MYBPC1: variants seen among roughly 807,000 people sequenced by gnomAD.
The protein encoded by MYBPC1 is myosin-binding protein C, slow-type.
MYBPC1 carries 52 observed loss-of-function variants against 147.1 expected under a neutral mutation model. The ratio of observed to expected loss-of-function variants is 0.35; its 90% CI spans 0.28 to 0.45. The LOEUF (loss-of-function observed/expected upper bound fraction) is 0.45, where lower values mean the gene tolerates loss of function less well. Among genes scored for constraint, MYBPC1 ranks in the 20% least tolerant of loss-of-function variants. The probability of loss-of-function intolerance (pLI) is 1.00; values close to 1 mark genes in which losing one functional copy is unlikely to be tolerated. For synonymous variants in MYBPC1, 477 were observed against 475.9 expected (o/e 1.00, Z -0.03); for missense variants, 1,228 against 1,440.3 (o/e 0.85, Z 2.39).
chr12:101,634,610 C>A lies in MYBPC1; in HGVS notation c.608+5C>A. 2 of 1,609,276 alleles carry A rather than the reference C, an allele frequency of 1.2e-6. No homozygotes were observed. The highest frequency in any genetic ancestry group is 1.7e-6 in the Non-Finnish European group (2 of 1,175,766). On this transcript the variant is annotated splice_donor_5th_base_variant and intron_variant, in intron 9 of 31. Transcript: ENST00000361466. ...CAGATCTGCTTTCAAGAGAAGGTAA[C>A]TCCAAAAGAAAAATCTAGATAGCTT... is the stretch of plus-strand genomic sequence containing the variant.
At chr12:101,675,456 A>T in intron 26 of MYBPC1, 25 bp downstream of exon 26, 1 of 1,613,950 alleles carries the variant, frequency 6.2e-7, no homozygotes, top group African/African-American at 1.3e-5. Context: ...TCTCTGGTTC[A>T]TCAGTAGCAA....
At chr12:101,668,452 G>T (rs919778536) in intron 23 of MYBPC1, among the ~76,000 whole-genome samples, 1 of 152,050 alleles carries the variant, frequency 6.6e-6, no homozygotes, top group Non-Finnish European at 1.5e-5. Flanking sequence ...GGCCAGTTTT[G>T]CCTTAGAGTC....
the MYBPC1 span, among the ~76,000 whole-genome samples, chr12:101,695,377 C>T: frequency 7.9e-5 from 12 of 152,168 alleles, no homozygotes; most frequent in African/African-American, 2.7e-4. Context: ...AAGAGTGGGA[C>T]TGGGTGAGAT....
At chr12:101,645,040 T>A (rs1365960703) in intron 12 of MYBPC1, among the ~76,000 whole-genome samples, 3 of 152,226 alleles carry the variant, frequency 2.0e-5, no homozygotes, top group Admixed American at 6.5e-5. Flanking sequence ...TATGGTTTTG[T>A]GTCGCTATAG....
At chr12:101,639,377 G>A (rs1891588776) in intron 10 of MYBPC1, among the ~76,000 whole-genome samples, 1 of 152,204 alleles carries the variant, frequency 6.6e-6, no homozygotes, top group Admixed American at 6.5e-5. Context: ...ACAGGGTCAT[G>A]TGCAGCCACC....
intron 2 of MYBPC1, 55 bp downstream of exon 2, chr12:101,614,586 C>T (rs1156757072): frequency 6.3e-7 from 1 of 1,591,692 alleles, no homozygotes; most frequent in African/African-American, 1.3e-5. Flanking sequence ...GAGGGTCCAT[C>T]CCAGCATGAT....
At chr12:101,604,924 T>G (rs1284458992) in intron 1 of MYBPC1, among the ~76,000 whole-genome samples, 1 of 152,214 alleles carries the variant, frequency 6.6e-6, no homozygotes, top group Non-Finnish European at 1.5e-5. Context: ...AAGAAGGCAC[T>G]GACTTTCTGG....
At chr12:101,612,237 G>A (rs1884578409) in intron 1 of MYBPC1, among the ~76,000 whole-genome samples, 2 of 152,092 alleles carry the variant, frequency 1.3e-5, no homozygotes, top group Admixed American at 6.5e-5. Flanking sequence ...CATAGAATTG[G>A]CACCCTAAGA....
intron 18 of MYBPC1, among the ~76,000 whole-genome samples, chr12:101,656,223 A>G (rs1895514784): frequency 6.6e-6 from 1 of 152,158 alleles, no homozygotes; most frequent in Non-Finnish European, 1.5e-5. Context: ...GAGAAAATGA[A>G]ATCACATAGA....
chr12:101,659,718 A>G lies in MYBPC1; in HGVS notation c.1814A>G (p.Asp605Gly), dbSNP rs778513541. The change falls in exon 19 of 32, where the codon GAT becomes GGT. Residue 605 changes from aspartate (D) to glycine (G), a missense_variant. Physicochemically the swap from Asp to Gly is moderately conservative, Grantham distance 94 (BLOSUM62 -1). Transcript: ENST00000361466. ...SGRIRTESYP[D>G]SSTLVIDIAE... ...CGGATAAGAACAGAATCTTACCCTG[A>G]TAGCAGCACTCTGGTCATTGATATA... The G allele has an allele frequency of 2.5e-6, 4 of 1,614,144 alleles. No homozygotes were observed. Among genetic ancestry groups the G allele is most frequent in the Non-Finnish European group, 3.4e-6 (4 of 1,180,006 alleles).
At chr12:101,660,614 T>C (rs776290366) in intron 19 of MYBPC1, 2 of 164,782 alleles carry the variant, frequency 1.2e-5, no homozygotes, top group Non-Finnish European at 2.7e-5. Context: ...TTATCCCATA[T>C]TGAGCACAAA....
chr12:101,678,124 G>A lies in MYBPC1; in HGVS notation c.3132G>A (p.Val1044=), dbSNP rs1302689521. The part of the protein sequence containing the change: ...ARDGKIYKNP[V]YEDFDFSEAP... ...AAGGTAAAATCTACAAAAATCCAGT[G>A]TATGAAGACTTTGATTTCTCAGAGG... is the stretch of plus-strand genomic sequence containing the variant. Residue 1044 remains valine, a synonymous_variant, in exon 28 of 32, where the codon GTG becomes GTA. Coordinates refer to ENST00000361466, the MANE Select transcript of MYBPC1 (RefSeq NM_002465.4). 1.3e-5 allele frequency: 21 copies of A among 1,613,590 alleles called. No individual in the cohort carries two copies. Among genetic ancestry groups the A allele is most frequent in the Admixed American group, 3.3e-5 (2 of 59,988 alleles).
At chr12:101,665,912 T>G (rs1037741787) in intron 22 of MYBPC1, among the ~76,000 whole-genome samples, 2 of 152,244 alleles carry the variant, frequency 1.3e-5, no homozygotes, top group African/African-American at 4.8e-5. Context: ...CCACATGCCT[T>G]ACTAGCTGCC....
intron 2 of MYBPC1, among the ~76,000 whole-genome samples, chr12:101,615,486 T>C (rs7314433): frequency 0.028 from 4,288 of 152,204 alleles, 204 homozygotes; most frequent in African/African-American, 0.097. Context: ...CATGTACGTA[T>C]TGATAGCTAG....
intron 21 of MYBPC1, 96 bp downstream of exon 21, chr12:101,662,642 T>C (rs1896761775): frequency 7.2e-7 from 1 of 1,382,982 alleles, no homozygotes; most frequent in Admixed American, 1.8e-5. Flanking sequence ...CCTGGACACT[T>C]CTTAGAGTTG....
At chr12:101,682,491 C>T in intron 29 of MYBPC1, 113 bp from the exon 30 acceptor site, 2 of 946,994 alleles carry the variant, frequency 2.1e-6, no homozygotes, top group Non-Finnish European at 3.3e-6. Context: ...AATTGTTTAT[C>T]ATCAGACTGT....
chr12:101,663,595 A>G, intron 22 of MYBPC1, 35 bp downstream of exon 22: 2 of 1,606,690 alleles, frequency 1.2e-6, no homozygotes, highest in Non-Finnish European at 1.7e-6. Context: ...GAATACTGTC[A>G]TCAATAGGTG....
At chr12:101,690,443 T>C (rs1231915076), downstream of MYBPC1, among the ~76,000 whole-genome samples, 1 of 152,202 alleles carries the variant, frequency 6.6e-6, no homozygotes, top group Non-Finnish European at 1.5e-5. Flanking sequence ...CTTAACCTGT[T>C]ACTCCTAAAA....
Position 101,644,802 on chromosome 12 carries a change from T to C in MYBPC1, c.965+6T>C, listed in dbSNP as rs929298395. 5 of 1,613,370 alleles carry C rather than the reference T, an allele frequency of 3.1e-6. No individual in the cohort carries two copies. The African/African-American group carries it at 6.7e-5, about 22-fold the overall frequency. On this transcript the variant is annotated splice_donor_region_variant and intron_variant, in intron 12 of 31. Transcript: ENST00000361466. ...GAAATTCGACCCAGTACCAAGTAAG[T>C]GGGCTTTGCAAAAATCAGTGATAGC...
Sources: gnomAD v4.1 joint callset for allele counts (sites outside exome capture counted in the v4.1 genomes callset) on GRCh38, gnomAD v4.1.1 for gene constraint, MANE v1.5 for transcripts, NCBI Gene and HGNC (gene_info 2026-07-23, HGNC 2026-07-21) for gene names.